The following SCRG1 variants were observed in gnomAD, a reference collection of about 807,000 sequenced individuals.
The protein encoded by SCRG1 is stimulator of chondrogenesis 1.
SCRG1 carries 3 observed loss-of-function variants against 7.7 expected under a neutral mutation model. The observed-to-expected ratio is 0.39, with a 90% CI of 0.18 to 1.01. SCRG1 has a LOEUF of 1.01. Ranked by LOEUF, SCRG1 falls within the 50% of genes least tolerant of loss-of-function variation. The probability of loss-of-function intolerance (pLI) is 0.36; values close to 1 mark genes in which losing one functional copy is unlikely to be tolerated. For synonymous variants in SCRG1, 46 were observed against 41.2 expected (o/e 1.12, Z -0.44); for missense variants, 110 against 117.2 (o/e 0.94, Z 0.28).
At chr4:173,473,969 C>T in the SCRG1 span, among the ~76,000 whole-genome samples, 88 of 152,240 alleles carry the variant, frequency 5.8e-4, 1 homozygote, top group East Asian at 0.014. Context: ...GACCTGAGGT[C>T]AGGAGTTTGA....
At chr4:173,424,376 T>C in the SCRG1 span, among the ~76,000 whole-genome samples, 1 of 152,208 alleles carries the variant, frequency 6.6e-6, no homozygotes, top group Non-Finnish European at 1.5e-5. Context: ...CAATTCAGCC[T>C]GTTACAAATA....
upstream of SCRG1, among the ~76,000 whole-genome samples, chr4:173,406,892 G>A (rs1708090843): frequency 6.6e-6 from 1 of 152,104 alleles, no homozygotes; most frequent in Admixed American, 6.5e-5. Context: ...CATCTTGGTT[G>A]CGTACAGTTT....
At chr4:173,401,441 G>A (rs772606197), upstream of SCRG1, among the ~76,000 whole-genome samples, 18 of 152,168 alleles carry the variant, frequency 1.2e-4, 1 homozygote, top group Non-Finnish European at 2.2e-4. Context: ...CAGAGGTATG[G>A]TGCCAAGGCA....
chr4:173,519,017 C>A, the SCRG1 span, among the ~76,000 whole-genome samples: 1 of 151,906 alleles, frequency 6.6e-6, no homozygotes, highest in African/African-American at 2.4e-5. Flanking sequence ...GTGTAGTCGG[C>A]GTGGCGCTGT....
At chr4:173,426,185 G>A in the SCRG1 span, among the ~76,000 whole-genome samples, 1 of 152,200 alleles carries the variant, frequency 6.6e-6, no homozygotes, top group Non-Finnish European at 1.5e-5. Context: ...TGGGCTTCCT[G>A]TTGTTTACCT....
At chr4:173,394,951 G>A (rs780813581) in intron 1 of SCRG1, among the ~76,000 whole-genome samples, 1 of 152,022 alleles carries the variant, frequency 6.6e-6, no homozygotes, top group East Asian at 1.9e-4. Flanking sequence ...ATGCTATTTT[G>A]TTGCATTTAA....
the SCRG1 span, among the ~76,000 whole-genome samples, chr4:173,518,009 C>G: frequency 2.0e-5 from 3 of 152,254 alleles, no homozygotes; most frequent in Non-Finnish European, 4.4e-5. Flanking sequence ...AACAGAGGCT[C>G]AGCAAGCTGC....
chr4:173,512,139 C>T, the SCRG1 span, among the ~76,000 whole-genome samples: 1 of 152,208 alleles, frequency 6.6e-6, no homozygotes, highest in South Asian at 2.1e-4. Context: ...TGATGAACAG[C>T]TCCAGGGATG....
chr4:173,458,158 T>C, the SCRG1 span, among the ~76,000 whole-genome samples: 1 of 152,088 alleles, frequency 6.6e-6, no homozygotes, highest in Non-Finnish European at 1.5e-5. Flanking sequence ...AGAAGTTGAG[T>C]GCTCACGCAT....
chr4:173,440,375 G>T, the SCRG1 span, among the ~76,000 whole-genome samples: 6 of 152,186 alleles, frequency 3.9e-5, no homozygotes, highest in Non-Finnish European at 7.3e-5. Context: ...TTTGACATGG[G>T]TTAGTGGGAA....
At chr4:173,493,915 T>C in the SCRG1 span, among the ~76,000 whole-genome samples, 58 of 152,160 alleles carry the variant, frequency 3.8e-4, no homozygotes, top group Non-Finnish European at 2.6e-4. Flanking sequence ...AGTTAATCAA[T>C]ATAATAGTAA....
chr4:173,479,405 A>G, the SCRG1 span, among the ~76,000 whole-genome samples: 52 of 152,046 alleles, frequency 3.4e-4, no homozygotes, highest in Admixed American at 3.0e-3. Flanking sequence ...TATTAAAATT[A>G]AAAGCACAAC....
At chr4:173,451,651 T>C in the SCRG1 span, among the ~76,000 whole-genome samples, 7 of 143,316 alleles carry the variant, frequency 4.9e-5, 1 homozygote, top group African/African-American at 1.3e-4. Flanking sequence ...TATTTATTTA[T>C]TTATTTATTT....
the SCRG1 span, among the ~76,000 whole-genome samples, chr4:173,512,862 A>T: frequency 5.9e-5 from 9 of 152,236 alleles, no homozygotes; most frequent in African/African-American, 2.2e-4. Flanking sequence ...CCGCTCTTGT[A>T]GGGAACAGTC....
At chr4:173,459,734 TG>T in the SCRG1 span, among the ~76,000 whole-genome samples, 61 of 152,262 alleles carry the variant, frequency 4.0e-4, no homozygotes, top group South Asian at 0.013. Context: ...AGTAGGATGA[TG>T]ATTACCAGAG....
the SCRG1 span, among the ~76,000 whole-genome samples, chr4:173,472,986 G>A: frequency 6.6e-6 from 1 of 152,088 alleles, no homozygotes; most frequent in Non-Finnish European, 1.5e-5. Context: ...TCAAGTATTT[G>A]GCCATAGAAC....
At chr4:173,416,911 AACAC>A in the SCRG1 span, among the ~76,000 whole-genome samples, 24,455 of 124,904 alleles carry the variant, frequency 0.2, 3,228 homozygotes, top group Admixed American at 0.33. Flanking sequence ...CACACACCCA[AACAC>A]ACACACACAC....
At chr4:173,501,419 G>A in the SCRG1 span, among the ~76,000 whole-genome samples, 2 of 152,218 alleles carry the variant, frequency 1.3e-5, no homozygotes, top group African/African-American at 4.8e-5. This position sits in a 1 kb window ranked among gnomAD's most constrained non-coding sequence, Gnocchi z 5.1. Flanking sequence ...CTGGGAAGCC[G>A]CAAAGCCTGG....
upstream of SCRG1, chr4:173,403,299 G>A (rs962514480): frequency 6.6e-6 from 1 of 152,114 alleles, no homozygotes; most frequent in Non-Finnish European, 1.5e-5. Context: ...ATTCATATTG[G>A]AATGCAATTT....
Sources: gnomAD v4.1 joint callset for allele counts (sites outside exome capture counted in the v4.1 genomes callset) on GRCh38, gnomAD v4.1.1 for gene constraint, Gnocchi (gnomAD v3.1) non-coding constraint, MANE v1.5 for transcripts, NCBI Gene and HGNC (gene_info 2026-07-23, HGNC 2026-07-21) for gene names.